The following VIPR2 variants were observed in gnomAD, a reference collection of about 807,000 sequenced individuals.
The protein encoded by VIPR2 is vasoactive intestinal polypeptide receptor 2.
In VIPR2, 48 loss-of-function variants were observed where a neutral mutation model predicts 58.0. The ratio of observed to expected loss-of-function variants is 0.83; its 90% CI spans 0.66 to 1.05. The LOEUF is 1.05. Ranked by LOEUF, VIPR2 falls within the 50% of genes least tolerant of loss-of-function variation. VIPR2 has a pLI of 0.00. For synonymous variants in VIPR2, 243 were observed against 235.2 expected, an observed-to-expected ratio of 1.03 and a Z score of -0.30; for missense variants, 534 against 558.0, an observed-to-expected ratio of 0.96 and a Z score of 0.43.
At chr7:159,103,664 A>G in intron 4 of VIPR2, 93 bp downstream of exon 4, 3 of 997,054 alleles carry the variant, frequency 3.0e-6, no homozygotes, top group Non-Finnish European at 4.7e-6. Flanking sequence ...ATTTAGGGGA[A>G]AAATCTACAT....
In VIPR2 at chr7:159,128,354, C is replaced by T. The variant is rs914276484; in HGVS notation, c.151+14092G>A. Among the ~76,000 whole-genome samples, 1 of 152,226 alleles carries T rather than the reference C, an allele frequency of 6.6e-6. No individual in the cohort carries two copies. Among genetic ancestry groups the T allele is most frequent in the Non-Finnish European group, 1.5e-5 (1 of 68,036 alleles). ...GGAGCAGTTCTGAGCCTGCAGTGGT[C>T]TCCTTGTGCCCCCAGGTGCCTGCTG... On this transcript the variant is annotated intron_variant, in intron 2 of 12. Coordinates refer to ENST00000262178, the MANE Select transcript of VIPR2 (RefSeq NM_003382.5). The surrounding 1 kb of genome is among the most constrained non-coding windows in gnomAD (Gnocchi z 4.1).
chr7:159,030,758 C>T lies in VIPR2; in HGVS notation c.1175G>A (p.Ser392Asn). The T allele has an allele frequency of 1.3e-6, 2 of 1,591,958 alleles. No individual in the cohort carries two copies. Among genetic ancestry groups the T allele is most frequent in the South Asian group, 1.1e-5 (1 of 87,742 alleles). ...GCTCGCGGACGGGGTCGGGCACCGG[C>T]TTCGCCATTTTCGCTTCAGCTCGCA... is the stretch of plus-strand genomic sequence containing the variant. ...VQCELKRKWR[S>N]RCPTPSASRD... The change falls in exon 13 of 13, where the codon AGC becomes AAC. Residue 392 changes from serine to asparagine, a missense_variant. Coordinates refer to ENST00000262178, the MANE Select transcript of VIPR2 (RefSeq NM_003382.5).
At chr7:159,083,796 TCA>T (rs1857033485) in intron 4 of VIPR2, among the ~76,000 whole-genome samples, 1 of 152,226 alleles carries the variant, frequency 6.6e-6, no homozygotes, top group Non-Finnish European at 1.5e-5. Context: ...CTGCACTGCA[TCA>T]CAGTGTGAAC....
At chr7:159,075,867 T>C (rs1315646553) in intron 4 of VIPR2, among the ~76,000 whole-genome samples, 2 of 150,740 alleles carry the variant, frequency 1.3e-5, no homozygotes, top group African/African-American at 4.9e-5. Flanking sequence ...ATGGACCCGC[T>C]GCATCAGCGA....
At chr7:159,104,356 G>A (rs999466269) in intron 3 of VIPR2, among the ~76,000 whole-genome samples, 2 of 147,556 alleles carry the variant, frequency 1.4e-5, no homozygotes, top group Non-Finnish European at 3.0e-5. Context: ...CGCCACTGAC[G>A]GTGACCAGAT....
rs1381713011 is a variant in VIPR2 at position 159,099,845 on chromosome 7, C to T, written c.357+3912G>A. Among the ~76,000 whole-genome samples, 1 of 152,128 alleles carries T rather than the reference C, an allele frequency of 6.6e-6. No individual in the cohort carries two copies. Among genetic ancestry groups the T allele is most frequent in the Non-Finnish European group, 1.5e-5 (1 of 68,018 alleles). ...GGAAGCCTGGGGCAGATGGTATTAT[C>T]ACTGCTGTGATCTCACACACCAGAG... On this transcript the variant is annotated intron_variant, in intron 4 of 12. Coordinates refer to ENST00000262178, the MANE Select transcript of VIPR2 (RefSeq NM_003382.5). The surrounding 1 kb of genome is among the most constrained non-coding windows in gnomAD (Gnocchi z 4.2).
At chr7:159,091,203 T>A (rs1857483148) in intron 4 of VIPR2, among the ~76,000 whole-genome samples, 1 of 152,260 alleles carries the variant, frequency 6.6e-6, no homozygotes. Context: ...TTTACGGAAC[T>A]GGAGCAACAC....
intron 4 of VIPR2, among the ~76,000 whole-genome samples, chr7:159,064,408 A>C (rs1448422944): frequency 2.6e-5 from 4 of 151,954 alleles, no homozygotes; most frequent in Non-Finnish European, 5.9e-5. Context: ...AGGGATGGAG[A>C]CGGAGTGGAA....
rs1796709404 is a variant in VIPR2, at chr7:159,127,801, C to T, written c.151+14645G>A. 6.6e-6 allele frequency among the ~76,000 whole-genome samples: 1 copy of T among 152,216 alleles called. No individual in the cohort carries two copies. The highest frequency in any genetic ancestry group is 1.5e-5 in the Non-Finnish European group (1 of 68,034). On this transcript the variant is annotated intron_variant, in intron 2 of 12. Transcript: ENST00000262178. This position sits in a 1 kb window ranked among gnomAD's most constrained non-coding sequence, Gnocchi z 4.6. ...TGCTTCCTTCCACGTCAAATATTCT[C>T]AAACCCTTTTCCCAAACTCCTGCCA...
At position 159,144,356 on chromosome 7, in the gene VIPR2, C is replaced by G. The variant is rs1416400579; in HGVS notation, c.51+365G>C. 7.1e-6 allele frequency: 11 copies of G among 1,539,920 alleles called. No homozygotes were observed. In the East Asian group the frequency reaches 7.5e-5, roughly 10 times the overall value. ...CGGCCAACGCCAACCCCGATCTCCC[C>G]GTGAAACGCGCAGCCCGCGCAGGCG... On this transcript the variant is annotated intron_variant, in intron 1 of 12. Coordinates refer to ENST00000262178, the MANE Select transcript of VIPR2 (RefSeq NM_003382.5).
chr7:159,091,882 C>T (rs1368967383), intron 4 of VIPR2, among the ~76,000 whole-genome samples: 1 of 152,254 alleles, frequency 6.6e-6, no homozygotes, highest in Non-Finnish European at 1.5e-5. Context: ...AATCCCAACA[C>T]TTTGGGAGGC....
At position 159,046,473 on chromosome 7, in the gene VIPR2, G is replaced by A. The variant is rs113997938; in HGVS notation, c.456-3297C>T. 3.7e-3 allele frequency among the ~76,000 whole-genome samples: 570 copies of A among 152,320 alleles called. 7 individuals are homozygous for A. The highest frequency in any genetic ancestry group is 0.013 in the African/African-American group (544 of 41,582). ...CACAAAAGGCCACATATTGTATGAC[G>A]CATCCAGTGGAGGCAATTCCATGGA... On this transcript the variant is annotated intron_variant, in intron 5 of 12. Coordinates refer to ENST00000262178, the MANE Select transcript of VIPR2 (RefSeq NM_003382.5).
Position 159,144,592 on chromosome 7 carries a change from C to G in VIPR2, c.51+129G>C, listed in dbSNP as rs1797615473. Reference sequence around the variant, plus strand: ...GCTCCGGACCCCGGGCGACCCCGCTCCCTCTCCCGGACCCCGCCCGCGCTC... The same window carrying G: ...GCTCCGGACCCCGGGCGACCCCGCTGCCTCTCCCGGACCCCGCCCGCGCTC... On this transcript the variant is annotated intron_variant, in intron 1 of 12. Transcript: ENST00000262178. The G allele has an allele frequency of 3.6e-6, 5 of 1,400,424 alleles. No individual in the cohort carries two copies. In the East Asian group the frequency reaches 1.2e-4, roughly 32 times the overall value. 86.7% of individuals were successfully genotyped at this position (1,400,424 alleles called of 1,614,324 possible).
At chr7:159,117,106 G>A in intron 2 of VIPR2, 1 of 567,378 alleles carries the variant, frequency 1.8e-6, no homozygotes, top group Non-Finnish European at 3.1e-6. Context: ...TCACACTGGG[G>A]AGGAGACCAG....
intron 4 of VIPR2, among the ~76,000 whole-genome samples, chr7:159,066,304 G>A (rs533337849): frequency 6.7e-6 from 1 of 149,504 alleles, no homozygotes; most frequent in South Asian, 2.1e-4. Flanking sequence ...CTCCCGCGGC[G>A]TCCGTGGATT....
chr7:159,104,941 T>C (rs1858559457), intron 3 of VIPR2, among the ~76,000 whole-genome samples: 1 of 151,742 alleles, frequency 6.6e-6, no homozygotes, highest in Non-Finnish European at 1.5e-5. Context: ...TCACCAACCG[T>C]GACCCAGTAG....
intron 2 of VIPR2, among the ~76,000 whole-genome samples, chr7:159,126,164 C>G (rs1796642587): frequency 6.6e-6 from 1 of 152,204 alleles, no homozygotes. Flanking sequence ...CTCCTGAAAT[C>G]TCCCTGTCAG....
intron 2 of VIPR2, among the ~76,000 whole-genome samples, chr7:159,137,697 C>G (rs943218691): frequency 6.6e-6 from 1 of 152,154 alleles, no homozygotes; most frequent in Admixed American, 6.5e-5. Flanking sequence ...AAGACTGTCC[C>G]AACCAATAAA....
rs964338885 is a variant in VIPR2, at chr7:159,106,400, C to G, written c.260-2546G>C. Reference sequence around the variant, plus strand: ...AACCTGCAGAGAGATCAGGGAGGTACAGAGAGACCAGGGAGGGGCAGAGAG... The same window carrying G: ...AACCTGCAGAGAGATCAGGGAGGTAGAGAGAGACCAGGGAGGGGCAGAGAG... On this transcript the variant is annotated intron_variant, in intron 3 of 12. Coordinates refer to ENST00000262178, the MANE Select transcript of VIPR2 (RefSeq NM_003382.5). Among the ~76,000 whole-genome samples, 16 of 151,542 alleles carry G rather than the reference C, an allele frequency of 1.1e-4. 1 individual carries two copies. Among genetic ancestry groups the G allele is most frequent in the Non-Finnish European group, 2.2e-4 (15 of 68,000 alleles).
Sources: gnomAD v4.1 joint callset for allele counts (sites outside exome capture counted in the v4.1 genomes callset) on GRCh38, gnomAD v4.1.1 for gene constraint, Gnocchi (gnomAD v3.1) non-coding constraint, MANE v1.5 for transcripts, NCBI Gene and HGNC (gene_info 2026-07-23, HGNC 2026-07-21) for gene names.